ZNF804B: variants seen among roughly 807,000 people sequenced by gnomAD.
ZNF804B encodes the protein zinc finger 804B.
In ZNF804B, 80 loss-of-function variants were observed where a neutral mutation model predicts 101.4. The ratio of observed to expected loss-of-function variants is 0.79; its 90% CI spans 0.66 to 0.95. The LOEUF is 0.95. Ranked by LOEUF, ZNF804B falls within the 40% of genes least tolerant of loss-of-function variation. The pLI is 0.00. For missense variants in ZNF804B, 1,673 were observed against 1,561.9 expected, an observed-to-expected ratio of 1.07 and a Z score of -1.20; for synonymous variants, 622 against 558.8, an observed-to-expected ratio of 1.11 and a Z score of -1.59.
chr7:88,877,042 T>TATAATATATATATA (rs1791960061), intron 1 of ZNF804B, among the ~76,000 whole-genome samples: 1 of 50,098 alleles, frequency 2.0e-5, no homozygotes, highest in African/African-American at 1.0e-4. Context: ...TATATATATA[T>TATAATATATATATA]ATATATATTT....
At chr7:89,186,310 G>A (rs1170640968) in intron 1 of ZNF804B, among the ~76,000 whole-genome samples, 5 of 151,862 alleles carry the variant, frequency 3.3e-5, no homozygotes, top group African/African-American at 9.7e-5. Context: ...AAATAAAATG[G>A]ATGCATTTTT....
chr7:89,323,442 A>T (rs769161926), intron 2 of ZNF804B, among the ~76,000 whole-genome samples: 8 of 152,198 alleles, frequency 5.3e-5, no homozygotes, highest in Non-Finnish European at 1.2e-4. Context: ...AGCAATATTT[A>T]TCCTATGAAT....
intron 2 of ZNF804B, among the ~76,000 whole-genome samples, chr7:89,285,909 A>G (rs2115884268): frequency 7.0e-6 from 1 of 143,410 alleles, no homozygotes; most frequent in Non-Finnish European, 1.5e-5. Context: ...AGCAATACCA[A>G]TCCCTCTTCT....
chr7:88,863,118 C>G (rs1441268077), intron 1 of ZNF804B, among the ~76,000 whole-genome samples: 2 of 152,170 alleles, frequency 1.3e-5, no homozygotes, highest in Non-Finnish European at 2.9e-5. Flanking sequence ...GCTCACTATG[C>G]TACAGCAACA....
At chr7:88,883,725 C>T (rs2115912646) in intron 1 of ZNF804B, among the ~76,000 whole-genome samples, 1 of 152,112 alleles carries the variant, frequency 6.6e-6, no homozygotes, top group African/African-American at 2.4e-5. Context: ...GCACAGGAAT[C>T]CGTATTTTAA....
intron 2 of ZNF804B, among the ~76,000 whole-genome samples, chr7:89,306,246 A>G (rs1357508576): frequency 1.3e-5 from 2 of 151,976 alleles, no homozygotes; most frequent in African/African-American, 4.8e-5. Flanking sequence ...TTATCCCATT[A>G]TCGTTGTGTA....
At chr7:89,038,112 G>A (rs1788957134) in intron 1 of ZNF804B, among the ~76,000 whole-genome samples, 1 of 151,982 alleles carries the variant, frequency 6.6e-6, no homozygotes, top group South Asian at 2.1e-4. Flanking sequence ...ATCTTGTCTT[G>A]TGTCAATAAT....
chr7:89,185,343 A>G (rs1788359802), intron 1 of ZNF804B, among the ~76,000 whole-genome samples: 1 of 152,180 alleles, frequency 6.6e-6, no homozygotes, highest in Non-Finnish European at 1.5e-5. Flanking sequence ...CTTGAAGTAA[A>G]CATTCTTCCA....
At chr7:89,260,857 A>G (rs1294339999) in intron 2 of ZNF804B, among the ~76,000 whole-genome samples, 2 of 152,218 alleles carry the variant, frequency 1.3e-5, no homozygotes, top group South Asian at 2.1e-4. Context: ...TTGCAATGTC[A>G]TGAGTTTTCT....
At chr7:89,285,892 C>G (rs1213596782) in intron 2 of ZNF804B, among the ~76,000 whole-genome samples, 1 of 142,566 alleles carries the variant, frequency 7.0e-6, no homozygotes, top group Admixed American at 6.7e-5. Flanking sequence ...CTCTGTCACC[C>G]TGAGACAGCA....
At chr7:88,769,993 T>C (rs1790038234) in intron 1 of ZNF804B, among the ~76,000 whole-genome samples, 1 of 152,062 alleles carries the variant, frequency 6.6e-6, no homozygotes, top group Non-Finnish European at 1.5e-5. Context: ...AGAGAATCTG[T>C]TTATTTTTAT....
intron 1 of ZNF804B, among the ~76,000 whole-genome samples, chr7:89,206,704 A>T (rs1788719484): frequency 6.6e-6 from 1 of 152,182 alleles, no homozygotes. Flanking sequence ...GTGAGCTGAG[A>T]TCACGCCATT....
chr7:89,240,950 A>G (rs937185293), intron 2 of ZNF804B, among the ~76,000 whole-genome samples: 3 of 152,044 alleles, frequency 2.0e-5, no homozygotes, highest in African/African-American at 7.2e-5. Context: ...TTTAACTTTT[A>G]ATTGCTATTC....
chr7:89,210,779 G>A (rs1039530086), intron 1 of ZNF804B, among the ~76,000 whole-genome samples: 2 of 152,126 alleles, frequency 1.3e-5, no homozygotes, highest in South Asian at 2.1e-4. Context: ...ATGTCTTTGC[G>A]ATTGTGAATA....
chr7:88,926,456 G>A (rs1226175851), intron 1 of ZNF804B, among the ~76,000 whole-genome samples: 4 of 151,298 alleles, frequency 2.6e-5, no homozygotes, highest in South Asian at 2.1e-4. Flanking sequence ...ATAGCCGGGC[G>A]TAGTGGTGCA....
intron 1 of ZNF804B, among the ~76,000 whole-genome samples, chr7:88,967,271 G>C (rs76904228): frequency 6.6e-6 from 1 of 151,512 alleles, no homozygotes; most frequent in Non-Finnish European, 1.5e-5. Context: ...TTGCAGAAAG[G>C]TGAAGGGAAG....
At chr7:88,797,063 C>A (rs1045457805) in intron 1 of ZNF804B, among the ~76,000 whole-genome samples, 2 of 152,066 alleles carry the variant, frequency 1.3e-5, no homozygotes, top group African/African-American at 4.8e-5. Flanking sequence ...AACATTTAAA[C>A]AATTATTTTC....
At chr7:89,030,186 G>T (rs1419880333) in intron 1 of ZNF804B, among the ~76,000 whole-genome samples, 2 of 152,108 alleles carry the variant, frequency 1.3e-5, no homozygotes, top group Admixed American at 1.3e-4. Context: ...CATATTGCAG[G>T]ATCAGCCTGT....
chr7:89,069,860 A>G (rs73216663), intron 1 of ZNF804B, among the ~76,000 whole-genome samples: 11,208 of 152,252 alleles, frequency 0.074, 650 homozygotes, highest in Non-Finnish European at 0.1. Context: ...CAGTATTATC[A>G]TCTGAAAATT....
Sources: allele counts gnomAD v4.1 joint callset (sites outside exome capture counted in the v4.1 genomes callset), GRCh38; gene constraint gnomAD v4.1.1; transcripts MANE v1.5; gene names NCBI Gene and HGNC (gene_info 2026-07-23, HGNC 2026-07-21).